Variants in NKX2-3 observed in about 807,000 individuals in gnomAD.
NKX2-3 encodes the protein NK2 homeobox 3, also known as homeobox protein Nkx-2.3.
NKX2-3 carries 3 observed loss-of-function variants against 14.2 expected under a neutral mutation model. The observed-to-expected ratio is 0.21, with a 90% CI of 0.10 to 0.55. The LOEUF is 0.55. Ranked by LOEUF, NKX2-3 falls within the 20% of genes least tolerant of loss-of-function variation. The pLI, the probability that NKX2-3 is intolerant of heterozygous loss-of-function variation, is 0.94. For missense variants in NKX2-3, 511 were observed against 514.5 expected (o/e 0.99, Z 0.06); for synonymous variants, 276 against 234.2 (o/e 1.18, Z -1.63).
chr10:99,535,386 G>T lies in NKX2-3; in HGVS notation c.760G>T (p.Ala254Ser), dbSNP rs200509540. 2.3e-5 allele frequency: 34 copies of T among 1,448,260 alleles called. No individual in the cohort carries two copies. In the East Asian group the frequency reaches 6.4e-4, roughly 27 times the overall value. 89.7% of individuals were successfully genotyped at this position (1,448,260 alleles called of 1,614,324 possible). A position where few individuals can be genotyped will look rare whatever the true frequency, so the allele number is the denominator to read the frequency against. Residue 254 changes from alanine (A) to serine (S), a missense_variant, in exon 2 of 2, where the codon GCC becomes TCC. Ala to Ser is a moderately conservative substitution (Grantham distance 99, BLOSUM62 1). Around this residue, in one of 3 missense-constraint regions of NKX2-3, gnomAD observed 264 missense variants for 254.7 expected, o/e 1.04. Transcript: ENST00000344586. ...CTACGGCGCGCCCTACAGCGTGGGC[G>T]CCAGCGCCTACTCCTACAACAGCTT... ...QAYGAPYSVG[A>S]SAYSYNSFPA...
rs2119552631 is a variant in NKX2-3, at chr10:99,533,059, A to G, written c.-73A>G. The G allele has an allele frequency of 9.2e-7, 1 of 1,083,148 alleles. No homozygotes were observed. The highest frequency in any genetic ancestry group is 1.4e-6 in the Non-Finnish European group (1 of 739,764). The allele number at this position is 1,083,148 out of a possible 1,614,324, so 67.1% of individuals were successfully genotyped here. ...CAGCAGCGGCGGAGTCCAGGAGGAG[A>G]GCTGGAGCCGCCGCGCTGCCTCCCC... On this transcript the variant is annotated 5_prime_UTR_variant, in exon 1 of 2. Coordinates refer to ENST00000344586, the MANE Select transcript of NKX2-3 (RefSeq NM_145285.3).
At chr10:99,533,704 T>C (rs2033936130) in intron 1 of NKX2-3, among the ~76,000 whole-genome samples, 1 of 151,644 alleles carries the variant, frequency 6.6e-6, no homozygotes, top group Non-Finnish European at 1.5e-5. Context: ...TGACAACTAC[T>C]CCCCCCAAAA....
chr10:99,533,289 C>T lies in NKX2-3; in HGVS notation c.158C>T (p.Thr53Met). The change falls in exon 1 of 2, where the codon ACG (threonine) becomes ATG (methionine). Residue 53 changes from threonine to methionine, a missense_variant. Transcript: ENST00000344586. ...TGCATGCTGGCCGCCGCTGAGGGGA[C>T]GCAATTTTCTGACGGAGGGGAGGAG... ...APCMLAAAEGTQFSDGGEEDE... is the reference protein window; with the variant it reads ...APCMLAAAEGMQFSDGGEEDE... The T allele has an allele frequency of 6.2e-7, 1 of 1,613,944 alleles. No individual in the cohort carries two copies.
chr10:99,533,077 G>A lies in NKX2-3; in HGVS notation c.-55G>A. The A allele has an allele frequency of 2.2e-6, 3 of 1,347,350 alleles. No homozygotes were observed. Among genetic ancestry groups the A allele is most frequent in the Admixed American group, 2.3e-5 (1 of 44,410 alleles). 83.5% of individuals were successfully genotyped at this position (1,347,350 alleles called of 1,614,324 possible). A position where few individuals can be genotyped will look rare whatever the true frequency, so the allele number is the denominator to read the frequency against. On this transcript the variant is annotated 5_prime_UTR_variant, in exon 1 of 2. Transcript: ENST00000344586. ...GGAGGAGAGCTGGAGCCGCCGCGCT[G>A]CCTCCCCGCCCCCGCCGGGATTTAT...
chr10:99,533,603 G>A lies in NKX2-3; in HGVS notation c.358+114G>A, dbSNP rs554057824. On this transcript the variant is annotated intron_variant, in intron 1 of 1. Coordinates refer to ENST00000344586, the MANE Select transcript of NKX2-3 (RefSeq NM_145285.3). ...TGCCCATCCCTTTACCCTTTGGCTG[G>A]GGCCATGCCTCCGCCCTGGTCACCG... is the stretch of plus-strand genomic sequence containing the variant. The A allele has an allele frequency of 1.9e-4, 147 of 787,730 alleles. 1 individual carries two copies. In the African/African-American group the frequency reaches 2.5e-3, roughly 13 times the overall value. 48.8% of individuals were successfully genotyped at this position (787,730 alleles called of 1,614,324 possible). A position where few individuals can be genotyped will look rare whatever the true frequency, so the allele number is the denominator to read the frequency against.
intron 1 of NKX2-3, among the ~76,000 whole-genome samples, chr10:99,533,857 G>A (rs1387194360): frequency 6.6e-6 from 1 of 152,232 alleles, no homozygotes; most frequent in Non-Finnish European, 1.5e-5. Context: ...AAGGGCAGGA[G>A]CCTGGACCTT....
intron 1 of NKX2-3, 127 bp from the exon 2 acceptor site, chr10:99,534,858 C>G: frequency 8.4e-7 from 1 of 1,192,096 alleles, no homozygotes; most frequent in Non-Finnish European, 1.1e-6. Context: ...CACAAACGTT[C>G]CCAAAAGTCC....
chr10:99,535,311 C>A lies in NKX2-3; in HGVS notation c.685C>A (p.Pro229Thr). 1 of 1,573,074 alleles carries A rather than the reference C, an allele frequency of 6.4e-7. No individual in the cohort carries two copies. ...GCCGCCGCCGCGCCGCGTGGCTGTC[C>A]CGGTGCTGGTGCGGGACGGCAAGCC... ...PPPPPRRVAVPVLVRDGKPCV... is the reference protein window; with the variant it reads ...PPPPPRRVAVTVLVRDGKPCV... The change falls in exon 2 of 2, where the codon CCG becomes ACG. Residue 229 changes from proline to threonine, a missense_variant. Pro to Thr is a conservative substitution (Grantham distance 38). Transcript: ENST00000344586.
intron 1 of NKX2-3, among the ~76,000 whole-genome samples, chr10:99,534,741 T>A (rs1014989340): frequency 1.2e-4 from 19 of 152,176 alleles, no homozygotes; most frequent in Non-Finnish European, 2.9e-5. Context: ...ATGCTCAAGA[T>A]CCAAATAAAC....
rs2033957982 is a variant in NKX2-3 at position 99,535,436 on chromosome 10, GGCCGCGGCCGCCGCCGCCGCC to G, written c.816_836del (p.Ala280_Ala286del). ...TCCCCGCCTACGGCTATGGGAACTC[GGCCGCGGCCGCCGCCGCCGCC>G]GCCGCCGCCGCCGCAGCAGCGGCGG... On this transcript the variant is annotated inframe_deletion, in exon 2 of 2. Transcript: ENST00000344586. 1.5e-6 allele frequency: 2 copies of G among 1,325,726 alleles called. No individual in the cohort carries two copies. Among genetic ancestry groups the G allele is most frequent in the Non-Finnish European group, 1.9e-6 (2 of 1,034,108 alleles). 82.1% of individuals were successfully genotyped at this position (1,325,726 alleles called of 1,614,324 possible).
Position 99,535,794 on chromosome 10 carries a change from G to C in NKX2-3, c.*73G>C. The C allele has an allele frequency of 6.8e-7, 1 of 1,463,288 alleles. No homozygotes were observed. 90.6% of individuals were successfully genotyped at this position (1,463,288 alleles called of 1,614,324 possible). Reference sequence around the variant, plus strand: ...CGGGACTGAAGCTCGAGAAGGGCCTGACCTAAAGGTCAGGTCCCCTCGTTA... The same window carrying C: ...CGGGACTGAAGCTCGAGAAGGGCCTCACCTAAAGGTCAGGTCCCCTCGTTA... On this transcript the variant is annotated 3_prime_UTR_variant, in exon 2 of 2. Coordinates refer to ENST00000344586, the MANE Select transcript of NKX2-3 (RefSeq NM_145285.3).
At position 99,535,616 on chromosome 10, in the gene NKX2-3, C is replaced by T. The variant is rs1172219059; in HGVS notation, c.990C>T (p.Asn330=). 1 of 1,534,448 alleles carries T rather than the reference C, an allele frequency of 6.5e-7. No individual in the cohort carries two copies. The highest frequency in any genetic ancestry group is 1.4e-5 in the African/African-American group (1 of 71,788). Residue 330 remains asparagine, a synonymous_variant, in exon 2 of 2, where the codon AAC becomes AAT. Transcript: ENST00000344586. Reference sequence around the variant, plus strand: ...GCGGCCCCTTTGTGAACGTGAGCAACCTAGGAGGCTTCGGCAGCGGCGGCA... The same window carrying T: ...GCGGCCCCTTTGTGAACGTGAGCAATCTAGGAGGCTTCGGCAGCGGCGGCA... ...AGGGPFVNVS[N]LGGFGSGGSA...
In NKX2-3 at chr10:99,535,963, A is replaced by G. The variant is rs1589973879; in HGVS notation, c.*242A>G. On this transcript the variant is annotated 3_prime_UTR_variant, in exon 2 of 2. Coordinates refer to ENST00000344586, the MANE Select transcript of NKX2-3 (RefSeq NM_145285.3). ...CAGAAACGCCGGCTGGGCGCCGGGG[A>G]GGACGATGGCCCCGACCCTGGCAGC... 1.9e-6 allele frequency: 1 copy of G among 526,410 alleles called. No individual in the cohort carries two copies. The highest frequency in any genetic ancestry group is 3.3e-6 in the Non-Finnish European group (1 of 301,094). 32.6% of individuals were successfully genotyped at this position (526,410 alleles called of 1,614,324 possible).
In NKX2-3 at chr10:99,533,123, GT is replaced by G; in HGVS notation, c.-8del. Reference sequence around the variant, plus strand: ...TTTATTATTTGGACTGGACAATTAAGTGGCCCTGATGATGTTACCAAGCCCG... The same window carrying G: ...TTTATTATTTGGACTGGACAATTAAGGGCCCTGATGATGTTACCAAGCCCG... On this transcript the variant is annotated 5_prime_UTR_variant, in exon 1 of 2. Coordinates refer to ENST00000344586, the MANE Select transcript of NKX2-3 (RefSeq NM_145285.3). 1 of 1,529,772 alleles carries G rather than the reference GT, an allele frequency of 6.5e-7. No individual in the cohort carries two copies. Among genetic ancestry groups the G allele is most frequent in the South Asian group, 1.3e-5 (1 of 79,870 alleles). The allele number at this position is 1,529,772 out of a possible 1,614,324, so 94.8% of individuals were successfully genotyped here. A position where few individuals can be genotyped will look rare whatever the true frequency, so the allele number is the denominator to read the frequency against.
At chr10:99,534,909 G>T (rs1489144859) in intron 1 of NKX2-3, 76 bp from the exon 2 acceptor site, 1 of 1,503,916 alleles carries the variant, frequency 6.6e-7, no homozygotes. Context: ...CACCAAAAAG[G>T]GTCACGGTGC....
Position 99,535,760 on chromosome 10 carries a change from C to G in NKX2-3, c.*39C>G. ...CACGCGGCGGGCACCCCAGCGCAGC[C>G]TGGCGCCGCGGGACTGAAGCTCGAG... On this transcript the variant is annotated 3_prime_UTR_variant, in exon 2 of 2. Coordinates refer to ENST00000344586, the MANE Select transcript of NKX2-3 (RefSeq NM_145285.3). 1 of 1,509,584 alleles carries G rather than the reference C, an allele frequency of 6.6e-7. No homozygotes were observed. Among genetic ancestry groups the G allele is most frequent in the Non-Finnish European group, 8.8e-7 (1 of 1,136,550 alleles). The allele number at this position is 1,509,584 out of a possible 1,614,324, so 93.5% of individuals were successfully genotyped here. A position where few individuals can be genotyped will look rare whatever the true frequency, so the allele number is the denominator to read the frequency against.
chr10:99,535,779 G>A lies in NKX2-3; in HGVS notation c.*58G>A. ...CGCAGCCTGGCGCCGCGGGACTGAA[G>A]CTCGAGAAGGGCCTGACCTAAAGGT... On this transcript the variant is annotated 3_prime_UTR_variant, in exon 2 of 2. Coordinates refer to ENST00000344586, the MANE Select transcript of NKX2-3 (RefSeq NM_145285.3). 1 of 1,496,946 alleles carries A rather than the reference G, an allele frequency of 6.7e-7. No individual in the cohort carries two copies. 92.7% of individuals were successfully genotyped at this position (1,496,946 alleles called of 1,614,324 possible).
At position 99,535,834 on chromosome 10, in the gene NKX2-3, T is replaced by C; in HGVS notation, c.*113T>C. On this transcript the variant is annotated 3_prime_UTR_variant, in exon 2 of 2. Coordinates refer to ENST00000344586, the MANE Select transcript of NKX2-3 (RefSeq NM_145285.3). ...TCCCCTCGTTAAAAAAATATGTACG[T>C]CTAGCTCCTCAGGGCTTCGGATCGC... 8.3e-7 allele frequency: 1 copy of C among 1,203,372 alleles called. No individual in the cohort carries two copies. The allele number at this position is 1,203,372 out of a possible 1,614,324, so 74.5% of individuals were successfully genotyped here. A position where few individuals can be genotyped will look rare whatever the true frequency, so the allele number is the denominator to read the frequency against.
rs2033958887 is a variant in NKX2-3 at position 99,535,463 on chromosome 10, C to A, written c.837C>A (p.Ala279=). ...NSAAAAAAAA[A]AAAAAAAYSS... ...CCGCGGCCGCCGCCGCCGCCGCCGC[C>A]GCCGCCGCAGCAGCGGCGGCCTACA... is the stretch of plus-strand genomic sequence containing the variant. The change falls in exon 2 of 2, where the codon GCC becomes GCA. Residue 279 remains alanine, a synonymous_variant. Transcript: ENST00000344586. 3 of 1,251,912 alleles carry A rather than the reference C, an allele frequency of 2.4e-6. No individual in the cohort carries two copies. Among genetic ancestry groups the A allele is most frequent in the Non-Finnish European group, 2.0e-6 (2 of 991,600 alleles). 77.6% of individuals were successfully genotyped at this position (1,251,912 alleles called of 1,614,324 possible). A position where few individuals can be genotyped will look rare whatever the true frequency, so the allele number is the denominator to read the frequency against.
Sources: allele counts gnomAD v4.1 joint callset (sites outside exome capture counted in the v4.1 genomes callset), GRCh38; gene constraint gnomAD v4.1.1; regional missense constraint gnomAD v4.1.1; transcripts MANE v1.5; gene names NCBI Gene and HGNC (gene_info 2026-07-23, HGNC 2026-07-21).